Variants in PFKFB3 observed in about 807,000 individuals in gnomAD.
PFKFB3 encodes 6-phosphofructo-2-kinase/fructose-2,6-bisphosphatase 3.
A neutral mutation model predicts 68.0 loss-of-function variants in PFKFB3; 33 were observed. The observed-to-expected ratio is 0.49, with a 90% confidence interval of 0.37 to 0.65. PFKFB3 has a LOEUF of 0.65. Ranked by LOEUF, PFKFB3 falls within the 30% of genes least tolerant of loss-of-function variation. The pLI, the probability that PFKFB3 is intolerant of heterozygous loss-of-function variation, is 0.00. For missense variants in PFKFB3, 586 were observed against 712.2 expected, an observed-to-expected ratio of 0.82 and a Z score of 2.02; for synonymous variants, 315 against 288.2, an observed-to-expected ratio of 1.09 and a Z score of -0.94.
chr10:6,198,745 A>C (rs1305256852), upstream of PFKFB3, among the ~76,000 whole-genome samples: 1 of 152,222 alleles, frequency 6.6e-6, no homozygotes, highest in East Asian at 1.9e-4. Context: ...GGCCTCCCAA[A>C]GTACTGGGAT....
chr10:6,303,850 GT>G, the PFKFB3 span, among the ~76,000 whole-genome samples: 1 of 151,622 alleles, frequency 6.6e-6, no homozygotes, highest in Non-Finnish European at 1.5e-5. Context: ...AAAAATAAGT[GT>G]TGATAGTGAG....
intron 13 of PFKFB3, chr10:6,224,464 AGTGAGGAAG>A: frequency 1.6e-6 from 1 of 635,504 alleles, no homozygotes; most frequent in East Asian, 3.0e-5. Context: ...TATGAATATT[AGTGAGGAAG>A]ATACATTCTC....
At chr10:6,278,237 G>A in the PFKFB3 span, among the ~76,000 whole-genome samples, 2 of 150,774 alleles carry the variant, frequency 1.3e-5, no homozygotes, top group Non-Finnish European at 1.5e-5. Context: ...TTTTATTAGT[G>A]AGTGGTATTC....
chr10:6,272,521 C>T, the PFKFB3 span, among the ~76,000 whole-genome samples: 3 of 151,970 alleles, frequency 2.0e-5, no homozygotes, highest in Admixed American at 6.6e-5. Context: ...TGGTGAACCC[C>T]GTCTCTACTA....
Position 6,202,976 on chromosome 10 carries a change from G to C in PFKFB3, c.-285G>C. The C allele has an allele frequency of 2.3e-6, 3 of 1,300,294 alleles. No homozygotes were observed. The highest frequency in any genetic ancestry group is 2.0e-6 in the Non-Finnish European group (2 of 1,024,978). 80.5% of individuals were successfully genotyped at this position (1,300,294 alleles called of 1,614,324 possible). A position where few individuals can be genotyped will look rare whatever the true frequency, so the allele number is the denominator to read the frequency against. On this transcript the variant is annotated 5_prime_UTR_variant, in exon 1 of 15. Coordinates refer to ENST00000379775, the MANE Select transcript of PFKFB3 (RefSeq NM_004566.4). ...CGAGCAGCAGGGCCTGGTGGCGAGA[G>C]CGCGGCTGTCACTGCGCCCGAGCAT...
At chr10:6,146,697 T>G (rs990114775) in intron 1 of PFKFB3, among the ~76,000 whole-genome samples, 14 of 152,250 alleles carry the variant, frequency 9.2e-5, no homozygotes, top group African/African-American at 3.4e-4. Flanking sequence ...GAGAGCCTTA[T>G]GCGGCAAAGT....
In PFKFB3 at chr10:6,154,403, G is replaced by C. The variant is rs979704600; in HGVS notation, c.16+9390G>C. ...TGGGATTACAGGTGCATGCTACCGC[G>C]TCCAGCTAATTTTTTTGTATTTTTA... On this transcript the variant is annotated intron_variant, in intron 1 of 14. Transcript: ENST00000379789. This position sits in a 1 kb window ranked among gnomAD's most constrained non-coding sequence, Gnocchi z 4.6. 6.6e-6 allele frequency among the ~76,000 whole-genome samples: 1 copy of C among 152,064 alleles called. No individual in the cohort carries two copies. The highest frequency in any genetic ancestry group is 1.5e-5 in the Non-Finnish European group (1 of 68,036).
intron 1 of PFKFB3, among the ~76,000 whole-genome samples, chr10:6,164,628 C>G (rs117611364): frequency 0.011 from 1,633 of 152,248 alleles, 61 homozygotes; most frequent in East Asian, 0.098. Flanking sequence ...CACTGGTGGC[C>G]GTCTCTGAGT....
At chr10:6,316,307 C>G in the PFKFB3 span, among the ~76,000 whole-genome samples, 1 of 152,158 alleles carries the variant, frequency 6.6e-6, no homozygotes, top group South Asian at 2.1e-4. Context: ...GGCACCTCGA[C>G]CAATGTCAGA....
intron 1 of PFKFB3, among the ~76,000 whole-genome samples, chr10:6,173,559 GTAT>G (rs1195490794): frequency 1.6e-4 from 25 of 152,268 alleles, no homozygotes; most frequent in African/African-American, 6.0e-4. Context: ...GTGCAGACAA[GTAT>G]TTGAGGTAGT....
chr10:6,241,194 C>T (rs551112301), intron 14 of PFKFB3, among the ~76,000 whole-genome samples: 7 of 152,262 alleles, frequency 4.6e-5, no homozygotes, highest in African/African-American at 1.2e-4. Context: ...TGTGAGCCAC[C>T]GCGCCTGGCC....
intron 1 of PFKFB3, among the ~76,000 whole-genome samples, chr10:6,185,682 C>G (rs1024169557): frequency 2.0e-5 from 3 of 146,670 alleles, no homozygotes; most frequent in East Asian, 2.0e-4. Context: ...CTTTTGTCAC[C>G]AAGGCTGGAG....
At position 6,222,882 on chromosome 10, in the gene PFKFB3, G is replaced by A; in HGVS notation, c.1111G>A (p.Glu371Lys). The stretch of plus-strand genomic sequence containing the variant: ...CTACCAGGACCTGGTCCAGCGCTTG[G>A]AGCCAGTGATCATGGAGCTGGAGCG... ...ESYQDLVQRL[E>K]PVIMELERQE... Residue 371 changes from glutamate (E) to lysine (K), a missense_variant, in exon 11 of 15, where the codon GAG (glutamate) becomes AAG (lysine). Coordinates refer to ENST00000379775, the MANE Select transcript of PFKFB3 (RefSeq NM_004566.4). 1 of 1,613,916 alleles carries A rather than the reference G, an allele frequency of 6.2e-7. No individual in the cohort carries two copies. Among genetic ancestry groups the A allele is most frequent in the East Asian group, 2.2e-5 (1 of 44,862 alleles).
chr10:6,233,223 C>G lies in PFKFB3; in HGVS notation c.*281C>G. 2.3e-6 allele frequency: 1 copy of G among 436,972 alleles called. No homozygotes were observed. Among genetic ancestry groups the G allele is most frequent in the Admixed American group, 3.6e-5 (1 of 27,554 alleles). The allele number at this position is 436,972 out of a possible 1,614,324, so 27.1% of individuals were successfully genotyped here. On this transcript the variant is annotated 3_prime_UTR_variant, in exon 15 of 15. Coordinates refer to ENST00000379775, the MANE Select transcript of PFKFB3 (RefSeq NM_004566.4). ...GAATGTCCAGCCTCGGAGACCTTCA[C>G]AAAGCCTTGGGAGGGTGATGAGTGC...
chr10:6,254,181 T>A (rs10508302), exon 15 of PFKFB3: 284,452 of 396,152 alleles, frequency 0.72, 110,038 homozygotes, highest in Non-Finnish European at 0.83. Context: ...TGTTTAGGAG[T>A]TAAAGAGTGG....
At chr10:6,167,462 C>T (rs1842178328) in intron 1 of PFKFB3, among the ~76,000 whole-genome samples, 1 of 152,186 alleles carries the variant, frequency 6.6e-6, no homozygotes, top group Non-Finnish European at 1.5e-5. Flanking sequence ...TTAGGAGTCT[C>T]TTTTTTGTTT....
intron 1 of PFKFB3, among the ~76,000 whole-genome samples, chr10:6,207,264 C>T (rs531481631): frequency 6.6e-6 from 1 of 152,188 alleles, no homozygotes; most frequent in South Asian, 2.1e-4. Flanking sequence ...AGCGAAACCC[C>T]GTCTCCACCA....
rs148640174 is a variant in PFKFB3, at chr10:6,190,880, G to A, written c.17-22743G>A. ...TGCAACCTCCGCCTCCCCGGTTCAAGGAATTCTGGTGCCTCAGCCTCCTGA... is the reference window on the plus strand; with the variant it reads ...TGCAACCTCCGCCTCCCCGGTTCAAAGAATTCTGGTGCCTCAGCCTCCTGA... On this transcript the variant is annotated intron_variant, in intron 1 of 14. Transcript: ENST00000379789. Among the ~76,000 whole-genome samples, 35 of 152,306 alleles carry A rather than the reference G, an allele frequency of 2.3e-4. No homozygotes were observed. In the East Asian group the frequency reaches 6.7e-3, roughly 29 times the overall value.
At chr10:6,149,930 T>G (rs4750023) in intron 1 of PFKFB3, 1 of 152,212 alleles carries the variant, frequency 6.6e-6, no homozygotes, top group Non-Finnish European at 1.5e-5. Context: ...TTTTTATGGC[T>G]GAGTAGTATT....
Sources: allele counts gnomAD v4.1 joint callset (sites outside exome capture counted in the v4.1 genomes callset), GRCh38; gene constraint gnomAD v4.1.1; non-coding constraint Gnocchi (gnomAD v3.1); transcripts MANE v1.5; gene names NCBI Gene and HGNC (gene_info 2026-07-23, HGNC 2026-07-21).